Variants in IL12RB2 observed in about 807,000 individuals in gnomAD.
IL12RB2 encodes the protein interleukin-12 receptor subunit beta-2.
IL12RB2 carries 82 observed loss-of-function variants against 89.4 expected under a neutral mutation model. The ratio of observed to expected loss-of-function variants is 0.92; its 90% CI spans 0.77 to 1.10. The LOEUF (loss-of-function observed/expected upper bound fraction) is 1.10, where lower values mean the gene tolerates loss of function less well. Among genes scored for constraint, IL12RB2 ranks in the 50% least tolerant of loss-of-function variants. The pLI is 0.00. For missense variants in IL12RB2, 963 were observed against 1,031.9 expected (o/e 0.93, Z 0.92); for synonymous variants, 368 against 370.1 (o/e 0.99, Z 0.07).
chr1:67,353,523 C>T (rs983728300), intron 10 of IL12RB2, among the ~76,000 whole-genome samples: 3 of 152,102 alleles, frequency 2.0e-5, no homozygotes, highest in South Asian at 2.1e-4. Context: ...GAACTGTGAT[C>T]GCACCACTGC....
chr1:67,315,897 C>G (rs1311633050), intron 2 of IL12RB2, among the ~76,000 whole-genome samples: 1 of 152,070 alleles, frequency 6.6e-6, no homozygotes, highest in Non-Finnish European at 1.5e-5. Context: ...TCTTCTTGCC[C>G]CTGCTGTTTT....
chr1:67,359,016 C>A (rs1661699550), intron 10 of IL12RB2, among the ~76,000 whole-genome samples: 1 of 152,048 alleles, frequency 6.6e-6, no homozygotes, highest in Admixed American at 6.6e-5. Context: ...TGGTGCACGC[C>A]TGTAGTTCCA....
intron 3 of IL12RB2, 38 bp downstream of exon 3, chr1:67,320,482 G>C (rs1430510435): frequency 6.2e-7 from 1 of 1,612,454 alleles, no homozygotes; most frequent in Non-Finnish European, 8.5e-7. Flanking sequence ...GGAAGAATTT[G>C]TGGTTTAAAT....
intron 10 of IL12RB2, among the ~76,000 whole-genome samples, chr1:67,359,306 C>T (rs551954943): frequency 9.2e-5 from 14 of 152,190 alleles, no homozygotes; most frequent in South Asian, 4.1e-4. Flanking sequence ...TTTTCTAAGA[C>T]GAATTTAACT....
intron 9 of IL12RB2, among the ~76,000 whole-genome samples, chr1:67,342,462 C>T (rs1659744110): frequency 6.6e-6 from 1 of 151,952 alleles, no homozygotes; most frequent in African/African-American, 2.4e-5. Flanking sequence ...TTGGGTGCAG[C>T]CCCTGGGGGT....
chr1:67,325,756 A>T (rs2100638053), intron 4 of IL12RB2, among the ~76,000 whole-genome samples: 1 of 152,368 alleles, frequency 6.6e-6, no homozygotes, highest in Non-Finnish European at 1.5e-5. Flanking sequence ...AGATTTTTTC[A>T]GTGTAGACAA....
chr1:67,389,337 T>A (rs17129959), intron 15 of IL12RB2, among the ~76,000 whole-genome samples: 8,577 of 106,412 alleles, frequency 0.081, 302 homozygotes, highest in South Asian at 0.11. Context: ...AGCATACTTT[T>A]AAAAAAAAAA....
rs554412658 is a variant in IL12RB2, at chr1:67,372,622, C to T, written c.1559-3C>T. The stretch of plus-strand genomic sequence containing the variant: ...CAGAAGCCTCCTGTGCCCTACTTTA[C>T]AGCACCACTGAGTGGCCCCCACATT... On this transcript the variant is annotated splice_region_variant and splice_polypyrimidine_tract_variant and intron_variant, in intron 12 of 16. Transcript: ENST00000674203. 76 of 1,613,566 alleles carry T rather than the reference C, an allele frequency of 4.7e-5. No individual in the cohort carries two copies. The East Asian group carries it at 1.6e-3, about 34-fold the overall frequency.
At chr1:67,381,723 A>G (rs1664598399) in intron 14 of IL12RB2, among the ~76,000 whole-genome samples, 1 of 150,416 alleles carries the variant, frequency 6.6e-6, no homozygotes, top group Admixed American at 6.7e-5. Context: ...CCGAGATGGC[A>G]CCACTGCCCT....
rs772589936 is a variant in IL12RB2 at position 67,321,817 on chromosome 1, T to C, written c.292T>C (p.Leu98=). The C allele has an allele frequency of 2.3e-5, 37 of 1,613,170 alleles. No homozygotes were observed. The African/African-American group carries it at 2.8e-4, about 12-fold the overall frequency. ...QVTGLPLGTT[L]FVCKLACINS... is the part of the protein sequence containing the mutation. The stretch of plus-strand genomic sequence containing the variant: ...CACAGGTCTTCCCCTTGGTACAACC[T>C]TGTTTGTCTGCAAACTGGCCTGTAT... Residue 98 remains leucine (L), a synonymous_variant, in exon 4 of 17, where the codon TTG becomes CTG. Transcript: ENST00000674203.
chr1:67,396,295 G>A lies in IL12RB2; in HGVS notation c.*206G>A. ...GATGCCTCATCTTGCCTTTCCCAGG[G>A]CCTTAAAATTACATCCTTCACTGTG... On this transcript the variant is annotated 3_prime_UTR_variant, in exon 17 of 17. Coordinates refer to ENST00000674203, the MANE Select transcript of IL12RB2 (RefSeq NM_001374259.2). The A allele has an allele frequency of 1.6e-6, 1 of 639,554 alleles. No homozygotes were observed. Among genetic ancestry groups the A allele is most frequent in the Non-Finnish European group, 2.8e-6 (1 of 355,740 alleles). The allele number at this position is 639,554 out of a possible 1,614,324, so 39.6% of individuals were successfully genotyped here.
chr1:67,376,181 C>G (rs1193447734), intron 13 of IL12RB2, among the ~76,000 whole-genome samples: 3 of 152,110 alleles, frequency 2.0e-5, no homozygotes, highest in Non-Finnish European at 2.9e-5. Flanking sequence ...ACACATTATA[C>G]TTTGCTACTG....
intron 1 of IL12RB2, among the ~76,000 whole-genome samples, chr1:67,312,680 A>T (rs1655234735): frequency 6.6e-6 from 1 of 151,780 alleles, no homozygotes. Context: ...AAGAAAAAAA[A>T]AAAGCCATAA....
intron 10 of IL12RB2, among the ~76,000 whole-genome samples, chr1:67,362,918 T>TG (rs971002594): frequency 3.3e-5 from 5 of 151,706 alleles, no homozygotes; most frequent in Non-Finnish European, 7.4e-5. Context: ...CGTTTTTTTT[T>TG]TTTGTGACGG....
At chr1:67,338,158 G>A (rs1392353950) in intron 8 of IL12RB2, among the ~76,000 whole-genome samples, 1 of 151,242 alleles carries the variant, frequency 6.6e-6, no homozygotes, top group Non-Finnish European at 1.5e-5. Context: ...ATGAAAGCCT[G>A]TCTGTATAAA....
At chr1:67,354,318 A>G (rs1309202299) in intron 10 of IL12RB2, among the ~76,000 whole-genome samples, 1 of 152,172 alleles carries the variant, frequency 6.6e-6, no homozygotes, top group Admixed American at 6.5e-5. Flanking sequence ...ATAGGACTTG[A>G]AAGGAAGAAC....
intron 10 of IL12RB2, among the ~76,000 whole-genome samples, chr1:67,353,806 TAA>T (rs916213813): frequency 5.3e-5 from 8 of 152,218 alleles, no homozygotes; most frequent in African/African-American, 1.9e-4. Context: ...CTGCTGTTTT[TAA>T]AATGAAATAA....
chr1:67,390,177 C>A, intron 16 of IL12RB2, 49 bp downstream of exon 16: 1 of 867,578 alleles, frequency 1.2e-6, no homozygotes, highest in South Asian at 1.3e-5. Flanking sequence ...TAGTGATCAC[C>A]ACATCTAAGT....
intron 8 of IL12RB2, among the ~76,000 whole-genome samples, chr1:67,334,488 G>A (rs1037231729): frequency 6.6e-6 from 1 of 152,096 alleles, no homozygotes; most frequent in African/African-American, 2.4e-5. Context: ...TTCTTCTTTT[G>A]TTTGTTTTGA....
Sources: gnomAD v4.1 joint callset for allele counts (sites outside exome capture counted in the v4.1 genomes callset) on GRCh38, gnomAD v4.1.1 for gene constraint, MANE v1.5 for transcripts, NCBI Gene and HGNC (gene_info 2026-07-23, HGNC 2026-07-21) for gene names.